Variants in CYP46A1 observed in about 807,000 individuals in gnomAD.
CYP46A1 encodes cholesterol 24-hydroxylase.
CYP46A1 carries 20 observed loss-of-function variants against 63.3 expected under a neutral mutation model. That is an observed-to-expected ratio of 0.32 (90% CI 0.22 to 0.46). The LOEUF is 0.46. Ranked by LOEUF, CYP46A1 falls within the 20% of genes least tolerant of loss-of-function variation. The probability of loss-of-function intolerance (pLI) is 1.00; values close to 1 mark genes in which losing one functional copy is unlikely to be tolerated. For missense variants in CYP46A1, 445 were observed against 670.8 expected (o/e 0.66, Z 3.72); for synonymous variants, 268 against 273.6 (o/e 0.98, Z 0.20).
chr14:99,717,961 C>T, intron 9 of CYP46A1, 93 bp from the exon 10 acceptor site: 2 of 974,114 alleles, frequency 2.1e-6, no homozygotes, highest in Non-Finnish European at 1.6e-6. Flanking sequence ...ATGCCATTTA[C>T]ATGCCAGCAC....
intron 7 of CYP46A1, among the ~76,000 whole-genome samples, chr14:99,715,251 C>A (rs758166067): frequency 6.6e-6 from 1 of 152,136 alleles, no homozygotes; most frequent in African/African-American, 2.4e-5. Context: ...ACATGTACCC[C>A]ATATGTGTGT....
chr14:99,691,110 G>A lies in CYP46A1; in HGVS notation c.149G>A (p.Trp50Ter). 6.2e-7 allele frequency: 1 copy of A among 1,614,152 alleles called. No homozygotes were observed. The change falls in exon 2 of 15, where the codon TGG becomes TAG. Residue 50 changes from tryptophan to a stop codon, truncating the protein, a stop_gained. Coordinates refer to ENST00000261835, the MANE Select transcript of CYP46A1 (RefSeq NM_006668.2). LOFTEE classifies it high-confidence loss of function. ...CTTCTAGGACACCTCCCCTGCTTTT[G>A]GAAAAAGGATGAGGTTGGTGGCCGT... is the stretch of plus-strand genomic sequence containing the variant. ...SFLLGHLPCFWKKDEVGGRVL... is the reference protein window; with the variant it reads ...SFLLGHLPCF
Position 99,684,428 on chromosome 14 carries a change from G to GGCT in CYP46A1, c.21_23dup (p.Leu8dup). 11 of 1,464,204 alleles carry GGCT rather than the reference G, an allele frequency of 7.5e-6. No homozygotes were observed. The highest frequency in any genetic ancestry group is 9.0e-6 in the Non-Finnish European group (10 of 1,113,430). The allele number at this position is 1,464,204 out of a possible 1,614,324, so 90.7% of individuals were successfully genotyped here. The stretch of plus-strand genomic sequence containing the variant: ...CCCTGCCCCGGAGCCATGAGCCCCG[G>GGCT]GCTGCTGCTGCTCGGCAGCGCCGTC... On this transcript the variant is annotated inframe_insertion, in exon 1 of 15. Transcript: ENST00000261835.
rs116902493 is a variant in CYP46A1, at chr14:99,688,810, G to A, written c.120-2271G>A. On this transcript the variant is annotated intron_variant, in intron 1 of 14. Coordinates refer to ENST00000261835, the MANE Select transcript of CYP46A1 (RefSeq NM_006668.2). ...CAAACTTGCTGGGGGCTCGGTTCCCGGTGATCTCCATGTTGTCGCACCCAG... is the reference window on the plus strand; with the variant it reads ...CAAACTTGCTGGGGGCTCGGTTCCCAGTGATCTCCATGTTGTCGCACCCAG... Among the ~76,000 whole-genome samples the A allele has an allele frequency of 4.3e-3, 650 of 151,996 alleles. 5 individuals are homozygous for A. Among genetic ancestry groups the A allele is most frequent in the Admixed American group, 8.2e-3 (125 of 15,284 alleles).
intron 10 of CYP46A1, among the ~76,000 whole-genome samples, chr14:99,719,077 T>A (rs1375138704): frequency 1.3e-5 from 2 of 152,096 alleles, no homozygotes; most frequent in Admixed American, 1.3e-4. Context: ...GCCTACCTCA[T>A]TGTAACCTCC....
chr14:99,717,900 C>T (rs2056805977), intron 9 of CYP46A1, 154 bp from the exon 10 acceptor site: 1 of 592,306 alleles, frequency 1.7e-6, no homozygotes, highest in Middle Eastern at 4.4e-4. Context: ...CAAGTGAGAC[C>T]TAGACGATGG....
chr14:99,721,912 C>T, intron 11 of CYP46A1, 44 bp from the exon 12 acceptor site: 1 of 1,520,598 alleles, frequency 6.6e-7, no homozygotes. Context: ...TGATCTGTGG[C>T]CTCTCCCGAC....
chr14:99,716,251 G>A (rs754228693), intron 9 of CYP46A1, 52 bp downstream of exon 9: 3 of 1,588,266 alleles, frequency 1.9e-6, no homozygotes, highest in African/African-American at 1.3e-5. Context: ...GAAATGCTGT[G>A]GACCATGGAT....
intron 4 of CYP46A1, among the ~76,000 whole-genome samples, 164 bp from the exon 5 acceptor site, chr14:99,699,851 G>C (rs2056615473): frequency 6.6e-6 from 1 of 152,160 alleles, no homozygotes; most frequent in Non-Finnish European, 1.5e-5. Context: ...CCACCTTAGA[G>C]GGTACAGTCT....
chr14:99,694,091 C>T (rs534313312), intron 3 of CYP46A1, among the ~76,000 whole-genome samples: 2 of 147,684 alleles, frequency 1.4e-5, no homozygotes, highest in South Asian at 2.2e-4. Context: ...TTTGTCCTTT[C>T]GCATCTGACT....
At chr14:99,708,152 G>T in intron 7 of CYP46A1, 1 of 231,444 alleles carries the variant, frequency 4.3e-6, no homozygotes, top group Non-Finnish European at 8.6e-6. Context: ...CCCACCCACT[G>T]CCAGCACCCG....
At chr14:99,697,879 T>C (rs2056599301) in intron 3 of CYP46A1, among the ~76,000 whole-genome samples, 1 of 152,024 alleles carries the variant, frequency 6.6e-6, no homozygotes, top group Non-Finnish European at 1.5e-5. Context: ...GCCTTAATGG[T>C]AGGGATCTTC....
Position 99,706,589 on chromosome 14 carries a change from T to C in CYP46A1, c.444-58T>C. ...CCTCTCTGTGGAGAGGGAGGGCACA[T>C]GGCAGTCCACCATATTGGGCTGGCC... On this transcript the variant is annotated intron_variant, in intron 5 of 14. Transcript: ENST00000261835. The C allele has an allele frequency of 1.9e-6, 3 of 1,600,780 alleles. No individual in the cohort carries two copies. In the South Asian group the frequency reaches 3.4e-5, roughly 18 times the overall value.
At chr14:99,708,368 G>T (rs2056698974) in intron 7 of CYP46A1, 1 of 150,634 alleles carries the variant, frequency 6.6e-6, no homozygotes, top group Non-Finnish European at 1.4e-5. Flanking sequence ...TGCCCCACTT[G>T]CCGACACTGG....
rs200047691 is a variant in CYP46A1 at position 99,716,212 on chromosome 14, G to A, written c.907+13G>A. 8.1e-5 allele frequency: 130 copies of A among 1,614,148 alleles called. 1 individual carries two copies. In the Middle Eastern group the frequency reaches 5.4e-3, roughly 68 times the overall value. On this transcript the variant is annotated intron_variant, in intron 9 of 14. Coordinates refer to ENST00000261835, the MANE Select transcript of CYP46A1 (RefSeq NM_006668.2). ...TTCTTCATTGCTGGTTTGTAGCTTT[G>A]GCGGTGGCCAAGGGCCCGGAGCTCT...
At position 99,699,394 on chromosome 14, in the gene CYP46A1, C is replaced by A. The variant is rs1210007771; in HGVS notation, c.283-72C>A. The stretch of plus-strand genomic sequence containing the variant: ...CTCAGCCAATGGTGATTATTTGGGG[C>A]ATGTCTCAGAAGAGCATCTTGCAGC... On this transcript the variant is annotated intron_variant, in intron 3 of 14. Transcript: ENST00000261835. 4 of 1,395,292 alleles carry A rather than the reference C, an allele frequency of 2.9e-6. No homozygotes were observed. In the African/African-American group the frequency reaches 5.7e-5, roughly 20 times the overall value. 86.4% of individuals were successfully genotyped at this position (1,395,292 alleles called of 1,614,324 possible).
rs544377590 is a variant in CYP46A1, at chr14:99,686,293, CCTGTT to C, written c.119+1761_119+1765del. On this transcript the variant is annotated intron_variant, in intron 1 of 14. Transcript: ENST00000261835. The stretch of plus-strand genomic sequence containing the variant: ...TTGGTCTTCTCATAAACTCAAATGA[CCTGTT>C]CTGGTCTCTGTGTCTTGAGAAAGCA... Among the ~76,000 whole-genome samples the C allele has an allele frequency of 3.5e-3, 528 of 152,238 alleles. 2 individuals are homozygous for C. The highest frequency in any genetic ancestry group is 4.9e-3 in the African/African-American group (205 of 41,538).
Position 99,717,155 on chromosome 14 carries a change from G to T in CYP46A1, c.908-899G>T, listed in dbSNP as rs367731184. The stretch of plus-strand genomic sequence containing the variant: ...GCTGGGAACCCAGGTCCTGGATGAG[G>T]CTTCTGGACAGACCTAGCCTCAGTC... On this transcript the variant is annotated intron_variant, in intron 9 of 14. Transcript: ENST00000261835. Among the ~76,000 whole-genome samples the T allele has an allele frequency of 7.3e-4, 111 of 152,260 alleles. 3 individuals carry two copies. In the South Asian group the frequency reaches 0.014, roughly 20 times the overall value.
chr14:99,702,371 C>A (rs2056639158), intron 5 of CYP46A1, among the ~76,000 whole-genome samples: 1 of 152,100 alleles, frequency 6.6e-6, no homozygotes. Flanking sequence ...GACTTTTGGG[C>A]TGTTTCCACT....
Sources: allele counts gnomAD v4.1 joint callset (sites outside exome capture counted in the v4.1 genomes callset), GRCh38; gene constraint gnomAD v4.1.1; transcripts MANE v1.5; gene names NCBI Gene and HGNC (gene_info 2026-07-23, HGNC 2026-07-21).